The following LRP1B variants were observed in gnomAD, a reference collection of about 807,000 sequenced individuals.
The protein encoded by LRP1B is LDL receptor related protein 1B.
A neutral mutation model predicts 556.6 loss-of-function variants in LRP1B; 217 were observed. That is an observed-to-expected ratio of 0.39 (90% CI 0.35 to 0.44). LRP1B has a LOEUF of 0.44. LRP1B is among the 20% of genes least tolerant of loss of function. The probability of loss-of-function intolerance (pLI) is 1.00; values close to 1 mark genes in which losing one functional copy is unlikely to be tolerated. For missense variants in LRP1B, 5,053 were observed against 5,620.8 expected (o/e 0.90, Z 3.23); for synonymous variants, 2,047 against 1,865.8 (o/e 1.10, Z -2.50).
At chr2:140,465,720 C>CAA (rs34468644) in intron 60 of LRP1B, among the ~76,000 whole-genome samples, 6 of 80,312 alleles carry the variant, frequency 7.5e-5, no homozygotes, top group Non-Finnish European at 1.1e-4. Context: ...ATGACATTTG[C>CAA]AAAAAAAAAA....
chr2:141,600,117 T>C (rs766362967), intron 2 of LRP1B, among the ~76,000 whole-genome samples: 6 of 152,160 alleles, frequency 3.9e-5, no homozygotes, highest in South Asian at 2.1e-4. Context: ...AGGTAGAAGA[T>C]AGAGGTGGTG....
intron 1 of LRP1B, among the ~76,000 whole-genome samples, chr2:142,127,367 A>AATCC (rs71391674): frequency 0.21 from 32,145 of 149,990 alleles, 3,604 homozygotes; most frequent in Middle Eastern, 0.31. Context: ...TGTATGGCAG[A>AATCC]ATCCATCCAT....
Position 141,214,708 on chromosome 2 carries a change from A to C in LRP1B, c.850+14475T>G, listed in dbSNP as rs149115312. 6.8e-4 allele frequency among the ~76,000 whole-genome samples: 103 copies of C among 152,308 alleles called. 2 individuals are homozygous for C. The East Asian group carries it at 0.017, about 25-fold the overall frequency. On this transcript the variant is annotated intron_variant, in intron 6 of 90. Transcript: ENST00000389484. ...TTTGCATTAAGCTGTTCCTATGTTCATTGGTGTTACGTCCCAAAATAAATT... is the reference window on the plus strand; with the variant it reads ...TTTGCATTAAGCTGTTCCTATGTTCCTTGGTGTTACGTCCCAAAATAAATT...
chr2:140,525,342 G>A (rs955685110), intron 49 of LRP1B, among the ~76,000 whole-genome samples: 1 of 151,836 alleles, frequency 6.6e-6, no homozygotes, highest in Non-Finnish European at 1.5e-5. Flanking sequence ...GCTTATGTAT[G>A]TAAAGATGGT....
chr2:140,724,182 T>C (rs976909998), intron 35 of LRP1B, among the ~76,000 whole-genome samples: 1 of 152,180 alleles, frequency 6.6e-6, no homozygotes, highest in African/African-American at 2.4e-5. Context: ...TTATATACAA[T>C]TCATTAAGAA....
intron 18 of LRP1B, among the ~76,000 whole-genome samples, chr2:140,981,808 A>G (rs1273560245): frequency 6.6e-6 from 1 of 152,078 alleles, no homozygotes; most frequent in Admixed American, 6.6e-5. Context: ...CCCAAATGTT[A>G]CTCCATGAAC....
chr2:141,078,265 A>G (rs1363166777), intron 7 of LRP1B, among the ~76,000 whole-genome samples: 3 of 151,652 alleles, frequency 2.0e-5, no homozygotes, highest in Non-Finnish European at 2.9e-5. Context: ...GGAAAATGCT[A>G]TGGTTTGAAA....
At chr2:141,563,255 A>G (rs947545293) in intron 2 of LRP1B, among the ~76,000 whole-genome samples, 1 of 152,082 alleles carries the variant, frequency 6.6e-6, no homozygotes, top group Non-Finnish European at 1.5e-5. Flanking sequence ...GATGTTCAAC[A>G]TTTTGTTAGA....
At chr2:141,310,692 T>C (rs1686780549) in intron 3 of LRP1B, among the ~76,000 whole-genome samples, 1 of 152,124 alleles carries the variant, frequency 6.6e-6, no homozygotes, top group African/African-American at 2.4e-5. Context: ...CTTTTAAATT[T>C]CATGAACAGA....
At position 141,848,778 on chromosome 2, in the gene LRP1B, T is replaced by A. The variant is rs576137544; in HGVS notation, c.83-38377A>T. On this transcript the variant is annotated intron_variant, in intron 1 of 90. Coordinates refer to ENST00000389484, the MANE Select transcript of LRP1B (RefSeq NM_018557.3). ...ACCCATGCAGGGAGGGCAATGTGAT[T>A]GAGATTTAAAAAACAAGAGGAAATA... is the stretch of plus-strand genomic sequence containing the variant. 2.0e-5 allele frequency among the ~76,000 whole-genome samples: 3 copies of A among 151,490 alleles called. No individual in the cohort carries two copies. The East Asian group carries it at 5.8e-4, about 29-fold the overall frequency.
At chr2:141,787,603 A>G (rs1018873450) in intron 2 of LRP1B, among the ~76,000 whole-genome samples, 6 of 151,818 alleles carry the variant, frequency 4.0e-5, no homozygotes, top group African/African-American at 1.4e-4. Context: ...TTGACTACAA[A>G]TAGAAAAAAA....
intron 49 of LRP1B, 77 bp from the exon 50 acceptor site, chr2:140,517,088 C>A (rs946040506): frequency 9.9e-7 from 1 of 1,005,606 alleles, no homozygotes; most frequent in Admixed American, 1.9e-5. Context: ...TTAATACTCC[C>A]TAAACTGAAA....
chr2:141,527,923 A>G (rs1242187180), intron 2 of LRP1B, among the ~76,000 whole-genome samples: 1 of 152,090 alleles, frequency 6.6e-6, no homozygotes, highest in African/African-American at 2.4e-5. Flanking sequence ...TGTAATTTAT[A>G]TAATACGCCT....
intron 1 of LRP1B, among the ~76,000 whole-genome samples, chr2:141,863,720 C>T (rs1330720752): frequency 2.0e-5 from 3 of 152,114 alleles, no homozygotes; most frequent in African/African-American, 4.8e-5. Flanking sequence ...ATCCAAAGCA[C>T]TTATTCCAAA....
At chr2:141,006,428 C>T (rs1697577324) in intron 14 of LRP1B, among the ~76,000 whole-genome samples, 1 of 151,918 alleles carries the variant, frequency 6.6e-6, no homozygotes, top group African/African-American at 2.4e-5. Flanking sequence ...GTAAAGGTGT[C>T]GGTATGAATA....
At chr2:141,741,614 A>C (rs1204044523) in intron 2 of LRP1B, among the ~76,000 whole-genome samples, 2 of 152,176 alleles carry the variant, frequency 1.3e-5, no homozygotes, top group African/African-American at 4.8e-5. Context: ...GTGTCTATAC[A>C]GATCTTTTGC....
intron 3 of LRP1B, among the ~76,000 whole-genome samples, chr2:141,419,234 G>A (rs993370193): frequency 2.6e-5 from 4 of 151,566 alleles, no homozygotes; most frequent in African/African-American, 9.7e-5. Context: ...ATTTATTAAG[G>A]ATATTGACCT....
At chr2:141,606,119 G>A (rs72978026) in intron 2 of LRP1B, among the ~76,000 whole-genome samples, 3,626 of 152,238 alleles carry the variant, frequency 0.024, 160 homozygotes, top group African/African-American at 0.08. Context: ...AGCACACCAT[G>A]ATGCTCTTCC....
At chr2:140,318,909 A>C (rs576788922) in intron 82 of LRP1B, among the ~76,000 whole-genome samples, 5 of 152,158 alleles carry the variant, frequency 3.3e-5, no homozygotes, top group Admixed American at 2.0e-4. Context: ...TAGGTTTTCA[A>C]AATATTTAGT....
Sources: allele counts gnomAD v4.1 joint callset (sites outside exome capture counted in the v4.1 genomes callset), GRCh38; gene constraint gnomAD v4.1.1; transcripts MANE v1.5; gene names NCBI Gene and HGNC (gene_info 2026-07-23, HGNC 2026-07-21).